PDGFD: variants seen among roughly 807,000 people sequenced by gnomAD.
PDGFD encodes platelet-derived growth factor D.
A neutral mutation model predicts 44.7 loss-of-function variants in PDGFD; 30 were observed. The ratio of observed to expected loss-of-function variants is 0.67; its 90% CI spans 0.50 to 0.91. PDGFD has a LOEUF of 0.91. PDGFD is among the 40% of genes least tolerant of loss of function. The pLI, the probability that PDGFD is intolerant of heterozygous loss-of-function variation, is 0.00. For missense variants in PDGFD, 445 were observed against 457.8 expected, an observed-to-expected ratio of 0.97 and a Z score of 0.25; for synonymous variants, 173 against 168.4, an observed-to-expected ratio of 1.03 and a Z score of -0.21.
At chr11:103,982,349 T>C (rs1279881491) in intron 3 of PDGFD, among the ~76,000 whole-genome samples, 2 of 151,816 alleles carry the variant, frequency 1.3e-5, no homozygotes, top group African/African-American at 4.9e-5. Flanking sequence ...GTTAAATATT[T>C]TGAGGCCTGC....
At chr11:104,075,800 C>G (rs1860948777) in intron 1 of PDGFD, among the ~76,000 whole-genome samples, 1 of 152,168 alleles carries the variant, frequency 6.6e-6, no homozygotes, top group Non-Finnish European at 1.5e-5. Context: ...CTTTCCTAGA[C>G]AAGCTCCAGA....
At chr11:104,069,537 T>C (rs1476519192) in intron 1 of PDGFD, among the ~76,000 whole-genome samples, 1 of 152,230 alleles carries the variant, frequency 6.6e-6, no homozygotes, top group Non-Finnish European at 1.5e-5. Flanking sequence ...GAATGTTTCT[T>C]GTCTGAATCA....
At chr11:103,949,881 T>C (rs926284386) in intron 3 of PDGFD, among the ~76,000 whole-genome samples, 6 of 152,134 alleles carry the variant, frequency 3.9e-5, no homozygotes, top group Admixed American at 3.3e-4. Context: ...AAATAGTTGC[T>C]TCTTGCAGAA....
At chr11:104,015,887 C>T (rs1859852876) in intron 1 of PDGFD, among the ~76,000 whole-genome samples, 5 of 152,148 alleles carry the variant, frequency 3.3e-5, no homozygotes, top group Admixed American at 3.3e-4. Flanking sequence ...GTGGAAACAA[C>T]ATTGAATGAC....
At chr11:104,098,150 T>C (rs1861311767) in intron 1 of PDGFD, among the ~76,000 whole-genome samples, 1 of 152,178 alleles carries the variant, frequency 6.6e-6, no homozygotes, top group South Asian at 2.1e-4. Flanking sequence ...ATAATTTGTT[T>C]GAACTTGTAA....
chr11:104,151,976 ACTGCCTTGCC>A (rs1862252649), intron 1 of PDGFD, among the ~76,000 whole-genome samples: 1 of 151,988 alleles, frequency 6.6e-6, no homozygotes, highest in African/African-American at 2.4e-5. Flanking sequence ...CTCACATGGC[ACTGCCTTGCC>A]CTATGTTTAT....
intron 1 of PDGFD, among the ~76,000 whole-genome samples, chr11:104,136,143 T>C (rs11226201): frequency 6.6e-5 from 10 of 152,036 alleles, no homozygotes; most frequent in African/African-American, 1.7e-4. Context: ...AAGGAGGCCA[T>C]TGGGCACCAC....
intron 1 of PDGFD, among the ~76,000 whole-genome samples, chr11:104,076,065 T>C (rs552436427): frequency 5.3e-5 from 8 of 152,276 alleles, no homozygotes; most frequent in Admixed American, 5.2e-4. Context: ...ATTCTTATAA[T>C]AGTGAGTGAA....
In PDGFD at chr11:104,010,938, T is replaced by G. The variant is rs75297364; in HGVS notation, c.125-10683A>C. Among the ~76,000 whole-genome samples the G allele has an allele frequency of 0.025, 3,775 of 152,004 alleles. 226 individuals carry two copies. In the East Asian group the frequency reaches 0.28, roughly 11 times the overall value. ...AATAAGACAACCACAATGACAAAAA[T>G]ATCTGCTTTAACCACTGCCAACATA... On this transcript the variant is annotated intron_variant, in intron 1 of 6. Transcript: ENST00000393158.
At chr11:103,977,826 C>T (rs539315215) in intron 3 of PDGFD, among the ~76,000 whole-genome samples, 1 of 151,938 alleles carries the variant, frequency 6.6e-6, no homozygotes, top group Admixed American at 6.6e-5. Context: ...TACAGAGATG[C>T]TTTTTCTTTA....
chr11:104,044,364 A>G (rs1200015639), intron 1 of PDGFD, among the ~76,000 whole-genome samples: 1 of 152,232 alleles, frequency 6.6e-6, no homozygotes. Context: ...TGTGAAGGAC[A>G]GCATCTGATT....
At chr11:103,912,693 TAA>T (rs1323795159) in intron 6 of PDGFD, among the ~76,000 whole-genome samples, 1 of 151,690 alleles carries the variant, frequency 6.6e-6, no homozygotes, top group African/African-American at 2.4e-5. Context: ...GCAAATTGGA[TAA>T]AGAGTCAAGA....
chr11:103,997,038 T>A (rs577572691), intron 2 of PDGFD, among the ~76,000 whole-genome samples: 33 of 152,352 alleles, frequency 2.2e-4, no homozygotes, highest in African/African-American at 7.9e-4. Context: ...GTTCCATCAT[T>A]CTATCACATA....
chr11:104,070,587 T>C (rs1343685367), intron 1 of PDGFD, among the ~76,000 whole-genome samples: 1 of 152,254 alleles, frequency 6.6e-6, no homozygotes, highest in African/African-American at 2.4e-5. Context: ...TTATTTGAGC[T>C]AGCTCCTTCT....
At chr11:103,934,417 T>A (rs1858455424) in intron 5 of PDGFD, among the ~76,000 whole-genome samples, 1 of 152,164 alleles carries the variant, frequency 6.6e-6, no homozygotes, top group Non-Finnish European at 1.5e-5. Context: ...TTGAACTAAA[T>A]ACAAAAAGCC....
chr11:104,119,835 A>G (rs1357258998), intron 1 of PDGFD, among the ~76,000 whole-genome samples: 3 of 114,426 alleles, frequency 2.6e-5, no homozygotes, highest in Non-Finnish European at 5.0e-5. Context: ...CTATATAATC[A>G]ATTATTATAT....
intron 1 of PDGFD, among the ~76,000 whole-genome samples, chr11:104,012,167 C>G (rs539952406): frequency 6.6e-6 from 1 of 152,050 alleles, no homozygotes; most frequent in Non-Finnish European, 1.5e-5. Flanking sequence ...GAAAATGATA[C>G]AATTAATGAA....
intron 1 of PDGFD, among the ~76,000 whole-genome samples, chr11:104,094,290 T>G (rs1861251897): frequency 6.6e-6 from 1 of 151,930 alleles, no homozygotes; most frequent in Non-Finnish European, 1.5e-5. Flanking sequence ...CTCCTCTAAC[T>G]CGATCCTCAA....
At chr11:104,115,888 G>GT (rs1248918296) in intron 1 of PDGFD, among the ~76,000 whole-genome samples, 2 of 151,370 alleles carry the variant, frequency 1.3e-5, no homozygotes, top group East Asian at 1.9e-4. Flanking sequence ...GGGATTGTTG[G>GT]TTTTTTTTCT....
Sources: gnomAD v4.1 joint callset for allele counts (sites outside exome capture counted in the v4.1 genomes callset) on GRCh38, gnomAD v4.1.1 for gene constraint, MANE v1.5 for transcripts, NCBI Gene and HGNC (gene_info 2026-07-23, HGNC 2026-07-21) for gene names.